The following SPATC1L variants were observed in gnomAD, a reference collection of about 807,000 sequenced individuals.
SPATC1L encodes speriolin-like protein.
SPATC1L carries 20 observed loss-of-function variants against 21.2 expected under a neutral mutation model. The observed-to-expected ratio is 0.94, with a 90% confidence interval of 0.66 to 1.37. SPATC1L has a LOEUF of 1.37. SPATC1L is among the 40% of genes most tolerant of loss of function. SPATC1L has a pLI of 0.00. For missense variants in SPATC1L, 499 were observed against 478.7 expected (o/e 1.04, Z -0.40); for synonymous variants, 290 against 234.5 (o/e 1.24, Z -2.16).
chr21:46,161,750 C>G, intron 4 of SPATC1L, 45 bp from the exon 5 acceptor site: 1 of 1,506,882 alleles, frequency 6.6e-7, no homozygotes, highest in South Asian at 1.3e-5. Context: ...TCGGGGCCCT[C>G]GGACGGGGAC....
At chr21:46,182,408 C>G (rs2079681327) in intron 2 of SPATC1L, among the ~76,000 whole-genome samples, 1 of 152,256 alleles carries the variant, frequency 6.6e-6, no homozygotes, top group Non-Finnish European at 1.5e-5. Flanking sequence ...CGGTTGACCA[C>G]TCCCACTTCG....
At chr21:46,176,354 C>T (rs965027266) in intron 2 of SPATC1L, among the ~76,000 whole-genome samples, 1 of 152,190 alleles carries the variant, frequency 6.6e-6, no homozygotes. Context: ...TCCCTGTTTG[C>T]AGATGACATG....
intron 2 of SPATC1L, among the ~76,000 whole-genome samples, chr21:46,177,338 G>T (rs189265254): frequency 1.3e-5 from 2 of 152,076 alleles, no homozygotes; most frequent in Admixed American, 1.3e-4. Context: ...CAGAATGGGA[G>T]AAAATTTTTA....
chr21:46,169,048 CTT>C (rs1189057708), intron 2 of SPATC1L, among the ~76,000 whole-genome samples: 10 of 152,272 alleles, frequency 6.6e-5, no homozygotes. Flanking sequence ...TGCATTATCT[CTT>C]TGAGATTTAT....
intron 2 of SPATC1L, among the ~76,000 whole-genome samples, chr21:46,179,285 C>T (rs771471377): frequency 4.6e-5 from 7 of 151,970 alleles, no homozygotes; most frequent in Non-Finnish European, 8.8e-5. Flanking sequence ...GTGGCTCACA[C>T]CTGTAATCCC....
chr21:46,161,596 T>C lies in SPATC1L; in HGVS notation c.806A>G (p.Asp269Gly). The change falls in exon 5 of 5, where the codon GAC becomes GGC. Residue 269 changes from aspartate to glycine, a missense_variant. Transcript: ENST00000291672. ...ARLEKLGYSR[D>G]VHPAFSEFLI... The stretch of plus-strand genomic sequence containing the variant: ...GAACTCGCTGAACGCCGGGTGCACG[T>C]CGCGGCTGTAGCCCAGCTTCTCCAG... 6.2e-7 allele frequency: 1 copy of C among 1,610,292 alleles called. No homozygotes were observed. Among genetic ancestry groups the C allele is most frequent in the South Asian group, 1.1e-5 (1 of 90,760 alleles).
chr21:46,165,652 T>C (rs1452801782), intron 3 of SPATC1L, among the ~76,000 whole-genome samples: 1 of 151,808 alleles, frequency 6.6e-6, no homozygotes, highest in Non-Finnish European at 1.5e-5. Flanking sequence ...GTCCTTTCCC[T>C]CCTCCTAGCC....
Position 46,161,396 on chromosome 21 carries a change from G to C in SPATC1L, c.1006C>G (p.Pro336Ala). 2 of 1,525,618 alleles carry C rather than the reference G, an allele frequency of 1.3e-6. No homozygotes were observed. The highest frequency in any genetic ancestry group is 1.2e-5 in the South Asian group (1 of 80,216). The allele number at this position is 1,525,618 out of a possible 1,614,324, so 94.5% of individuals were successfully genotyped here. A position where few individuals can be genotyped will look rare whatever the true frequency, so the allele number is the denominator to read the frequency against. Residue 336 changes from proline to alanine, a missense_variant, in exon 5 of 5, where the codon CCC becomes GCC. Transcript: ENST00000291672. ...LCELSKEDGK[P>A]LFAW ...GGGGCGGCTCACCAGGCGAAGAGGG[G>C]CTTGCCGTCCTCCTTGGAGAGCTCG...
intron 3 of SPATC1L, among the ~76,000 whole-genome samples, chr21:46,164,771 G>A (rs1185683995): frequency 5.6e-5 from 8 of 143,186 alleles, no homozygotes; most frequent in East Asian, 2.0e-4. Context: ...CAGCCTGGGC[G>A]ACAGAGCGAG....
chr21:46,161,763 C>T, intron 4 of SPATC1L, 58 bp from the exon 5 acceptor site: 1 of 1,497,406 alleles, frequency 6.7e-7, no homozygotes, highest in Middle Eastern at 2.4e-4. Flanking sequence ...ACGGGGACTT[C>T]CAGGCCCAGG....
chr21:46,161,697 G>A lies in SPATC1L; in HGVS notation c.705C>T (p.Thr235=), dbSNP rs1325186994. The change falls in exon 5 of 5, where the codon ACC becomes ACT. Residue 235 remains threonine (T), a synonymous_variant. Transcript: ENST00000291672. ...CGTCCACGGAGCCGTCCAGAGACTT[G>A]GTGGAGGTCTGCGGGCGCAGCGCAT... ...NIPEKIEQTS[T]KSLDGSVDER... 1 of 1,594,864 alleles carries A rather than the reference G, an allele frequency of 6.3e-7. No homozygotes were observed. The highest frequency in any genetic ancestry group is 1.1e-5 in the South Asian group (1 of 89,660).
rs562396755 is a variant in SPATC1L at position 46,174,942 on chromosome 21, T to G, written c.194-6284A>C. Among the ~76,000 whole-genome samples, 7 of 152,168 alleles carry G rather than the reference T, an allele frequency of 4.6e-5. No homozygotes were observed. In the South Asian group the frequency reaches 1.5e-3, roughly 32 times the overall value. ...TACTCCTCAGCAAATGCAAAACAAC[T>G]GGAATTATAACAAACAATCTCTCAG... On this transcript the variant is annotated intron_variant, in intron 2 of 4. Coordinates refer to ENST00000291672, the MANE Select transcript of SPATC1L (RefSeq NM_001142854.2).
chr21:46,164,017 G>GT (rs918813661), intron 3 of SPATC1L, among the ~76,000 whole-genome samples: 10 of 152,152 alleles, frequency 6.6e-5, no homozygotes, highest in East Asian at 1.9e-4. Context: ...TTGTTTGTTT[G>GT]TTTTTTTGAA....
At chr21:46,182,552 C>A (rs917798061) in intron 2 of SPATC1L, 72 bp downstream of exon 2, 4 of 1,375,004 alleles carry the variant, frequency 2.9e-6, no homozygotes, top group Non-Finnish European at 3.8e-6. Flanking sequence ...GGCCGCCACC[C>A]TCGACTCCCG....
chr21:46,166,544 G>A (rs902184564), intron 3 of SPATC1L, among the ~76,000 whole-genome samples: 27 of 151,540 alleles, frequency 1.8e-4, no homozygotes, highest in East Asian at 7.7e-4. Flanking sequence ...AACACACGTC[G>A]CCTATAAAGA....
intron 2 of SPATC1L, among the ~76,000 whole-genome samples, chr21:46,175,011 C>T (rs1443423466): frequency 6.6e-6 from 1 of 152,236 alleles, no homozygotes; most frequent in Admixed American, 6.5e-5. Flanking sequence ...AAAATTCACT[C>T]AGAACCACAC....
Position 46,183,131 on chromosome 21 carries a change from G to A in SPATC1L, c.-315C>T, listed in dbSNP as rs1318273379. Reference sequence around the variant, plus strand: ...ACGGGATGTAGCGACTGTACTCCAAGAGGGGCGTCCAAGCCACTCCCCATT... The same window carrying A: ...ACGGGATGTAGCGACTGTACTCCAAAAGGGGCGTCCAAGCCACTCCCCATT... On this transcript the variant is annotated 5_prime_UTR_variant, in exon 2 of 5. Transcript: ENST00000291672. The A allele has an allele frequency of 5.2e-6, 2 of 382,982 alleles. No individual in the cohort carries two copies. The highest frequency in any genetic ancestry group is 9.4e-6 in the Non-Finnish European group (2 of 212,842). The allele number at this position is 382,982 out of a possible 1,614,324, so 23.7% of individuals were successfully genotyped here.
intron 2 of SPATC1L, among the ~76,000 whole-genome samples, chr21:46,172,104 T>C (rs1337675753): frequency 1.7e-4 from 2 of 11,890 alleles, no homozygotes; most frequent in African/African-American, 3.1e-4. Flanking sequence ...GAGGCAGGAG[T>C]GCAGAGCATG....
chr21:46,174,789 C>T (rs2079620283), intron 2 of SPATC1L, among the ~76,000 whole-genome samples: 1 of 152,228 alleles, frequency 6.6e-6, no homozygotes, highest in Admixed American at 6.5e-5. Context: ...AGGACATGAA[C>T]TCAGCACCGG....
Sources: allele counts gnomAD v4.1 joint callset (sites outside exome capture counted in the v4.1 genomes callset), GRCh38; gene constraint gnomAD v4.1.1; transcripts MANE v1.5; gene names NCBI Gene and HGNC (gene_info 2026-07-23, HGNC 2026-07-21).